The following LAMA1 variants were observed in gnomAD, a reference collection of about 807,000 sequenced individuals.
The protein encoded by LAMA1 is laminin subunit alpha-1.
In LAMA1, 219 loss-of-function variants were observed where a neutral mutation model predicts 348.7. The observed-to-expected ratio is 0.63, with a 90% CI of 0.56 to 0.70. LAMA1 has a LOEUF of 0.70. Ranked by LOEUF, LAMA1 falls within the 30% of genes least tolerant of loss-of-function variation. The probability of loss-of-function intolerance (pLI) is 0.00; values close to 1 mark genes in which losing one functional copy is unlikely to be tolerated. For synonymous variants in LAMA1, 1,487 were observed against 1,491.0 expected (o/e 1.00, Z 0.06); for missense variants, 3,744 against 3,888.0 (o/e 0.96, Z 0.99).
chr18:7,013,157 TCTCTAA>T (rs2057869204), intron 23 of LAMA1, among the ~76,000 whole-genome samples: 1 of 151,770 alleles, frequency 6.6e-6, no homozygotes, highest in African/African-American at 2.4e-5. Context: ...CAAGACTCTG[TCTCTAA>T]ATAAATAAAT....
chr18:6,980,442 G>T, intron 42 of LAMA1, 79 bp downstream of exon 42: 1 of 993,450 alleles, frequency 1.0e-6, no homozygotes, highest in Non-Finnish European at 1.6e-6. Context: ...CAGTCTTGAG[G>T]CAGGACTTCC....
In LAMA1 at chr18:6,956,349, T is replaced by A. The variant is rs681944; in HGVS notation, c.8094+287A>T. The stretch of plus-strand genomic sequence containing the variant: ...CATGCTTTCCTGGCTAAATGTAAAT[T>A]GATAATGAGTCCTTATAGAAGCTCT... On this transcript the variant is annotated intron_variant, in intron 56 of 62. Transcript: ENST00000389658. 1.5e-5 allele frequency: 8 copies of A among 547,586 alleles called. 2 individuals carry two copies. Among genetic ancestry groups the A allele is most frequent in the South Asian group, 1.4e-4 (8 of 57,370 alleles). 33.9% of individuals were successfully genotyped at this position (547,586 alleles called of 1,614,324 possible). A position where few individuals can be genotyped will look rare whatever the true frequency, so the allele number is the denominator to read the frequency against.
intron 1 of LAMA1, among the ~76,000 whole-genome samples, chr18:7,108,196 C>T (rs2058321640): frequency 6.6e-6 from 1 of 151,556 alleles, no homozygotes; most frequent in African/African-American, 2.4e-5. Context: ...ATTAGCCAGG[C>T]ATGGCGGTGT....
At chr18:6,997,669 C>T in intron 33 of LAMA1, 73 bp downstream of exon 33, 2 of 1,476,198 alleles carry the variant, frequency 1.4e-6, no homozygotes, top group Non-Finnish European at 9.5e-7. Context: ...CATGGAATGA[C>T]TCCCACCATT....
intron 16 of LAMA1, among the ~76,000 whole-genome samples, chr18:7,027,229 T>C (rs1199568858): frequency 2.0e-5 from 3 of 152,166 alleles, no homozygotes; most frequent in African/African-American, 7.2e-5. Flanking sequence ...TTGACTTAAG[T>C]TGATAAGTGT....
intron 3 of LAMA1, among the ~76,000 whole-genome samples, chr18:7,074,854 A>G (rs201818825): frequency 1.3e-5 from 2 of 151,062 alleles, no homozygotes; most frequent in Non-Finnish European, 2.9e-5. Flanking sequence ...ACTAAAATAA[A>G]CAGTAGTTAA....
intron 60 of LAMA1, 50 bp downstream of exon 60, chr18:6,948,353 G>T: frequency 6.2e-7 from 1 of 1,612,194 alleles, no homozygotes; most frequent in South Asian, 1.1e-5. Flanking sequence ...CATCGCTTTA[G>T]AGTACAGACT....
chr18:6,992,202 G>A (rs2057761809), intron 36 of LAMA1, among the ~76,000 whole-genome samples: 2 of 152,148 alleles, frequency 1.3e-5, no homozygotes, highest in South Asian at 4.1e-4. Flanking sequence ...TTCATGGTAT[G>A]GGTGGCCACC....
rs111904219 is a variant in LAMA1 at position 7,048,980 on chromosome 18, G to A, written c.768+98C>T. 1.8e-4 allele frequency: 216 copies of A among 1,203,876 alleles called. No homozygotes were observed. The African/African-American group carries it at 2.9e-3, about 16-fold the overall frequency. 74.6% of individuals were successfully genotyped at this position (1,203,876 alleles called of 1,614,324 possible). A position where few individuals can be genotyped will look rare whatever the true frequency, so the allele number is the denominator to read the frequency against. On this transcript the variant is annotated intron_variant, in intron 5 of 62. Transcript: ENST00000389658. ...GCAAGAAAAAAGGCCAACATGTCGG[G>A]GAAAGAACAACCAAAAAGGAAAGAA...
intron 48 of LAMA1, among the ~76,000 whole-genome samples, chr18:6,967,209 T>G (rs2057637148): frequency 6.6e-6 from 1 of 152,218 alleles, no homozygotes; most frequent in Non-Finnish European, 1.5e-5. Context: ...GTTTCAAATG[T>G]ATAACTATAA....
intron 30 of LAMA1, 114 bp downstream of exon 30, chr18:7,002,150 A>G: frequency 7.2e-7 from 1 of 1,379,434 alleles, no homozygotes; most frequent in Non-Finnish European, 9.9e-7. Context: ...AGCCTTTTGC[A>G]ACCAATGGAG....
At position 6,966,204 on chromosome 18, in the gene LAMA1, C is replaced by T. The variant is rs2057632508; in HGVS notation, c.6993G>A (p.Met2331Ile). The T allele has an allele frequency of 6.2e-7, 1 of 1,614,112 alleles. No individual in the cohort carries two copies. Among genetic ancestry groups the T allele is most frequent in the Non-Finnish European group, 8.5e-7 (1 of 1,180,004 alleles). Residue 2331 changes from methionine to isoleucine, a missense_variant, in exon 49 of 63, where the codon ATG (methionine) becomes ATA (isoleucine). Transcript: ENST00000389658. ...SLPATVTQII[M>I]LFNTFSPNGL... is the part of the protein sequence containing the mutation. ...CATTAGGTGAAAAGGTATTAAAAAG[C>T]ATGATTATCTGGGTCACGGTAGCCG...
At chr18:7,103,810 C>T (rs936743362) in intron 1 of LAMA1, among the ~76,000 whole-genome samples, 2 of 150,146 alleles carry the variant, frequency 1.3e-5, no homozygotes, top group African/African-American at 4.9e-5. Context: ...CAGAGTAAGA[C>T]TCCGTCTTAA....
intron 8 of LAMA1, chr18:7,042,530 A>G (rs111944910): frequency 4.4e-5 from 17 of 386,212 alleles, no homozygotes; most frequent in African/African-American, 2.5e-4. Context: ...TCTCAGAGCC[A>G]CGTTATAACC....
rs543355 is a variant in LAMA1, at chr18:6,958,610, T to C, written c.7831A>G (p.Thr2611Ala). The C allele has an allele frequency of 0.048, 77,676 of 1,613,948 alleles. 8,450 individuals are homozygous for C. Among genetic ancestry groups the C allele is most frequent in the African/African-American group, 0.45 (33,650 of 74,962 alleles). The stretch of plus-strand genomic sequence containing the variant: ...TTTATCGTCCTGCTTTCTACTAATG[T>C]GCCCAACTTCATTTCCACAGGATTG... ...ENNPVEMKLGTLVESRTINVS... is the reference protein window; with the variant it reads ...ENNPVEMKLGALVESRTINVS... The change falls in exon 55 of 63, where the codon ACA becomes GCA. Residue 2611 changes from threonine (T) to alanine (A), a missense_variant. Thr to Ala is a moderately conservative substitution (Grantham distance 58). Coordinates refer to ENST00000389658, the MANE Select transcript of LAMA1 (RefSeq NM_005559.4).
At position 6,999,510 on chromosome 18, in the gene LAMA1, C is replaced by T. The variant is rs753631609; in HGVS notation, c.4598G>A (p.Gly1533Glu). ...RTSGQCVCRL[G>E]ASGLRCDECE... The stretch of plus-strand genomic sequence containing the variant: ...CTCATCGCACCGGAGCCCCGAGGCC[C>T]CCAGCCTGCAAACGCACTGCCCAGA... Residue 1533 changes from glycine to glutamate, a missense_variant, in exon 32 of 63, where the codon GGG (glycine) becomes GAG (glutamate). Physicochemically the swap from Gly to Glu is moderately conservative, Grantham distance 98 (BLOSUM62 -2). Coordinates refer to ENST00000389658, the MANE Select transcript of LAMA1 (RefSeq NM_005559.4). The T allele has an allele frequency of 2.5e-6, 4 of 1,614,024 alleles. No homozygotes were observed. The highest frequency in any genetic ancestry group is 3.4e-6 in the Non-Finnish European group (4 of 1,180,038).
intron 10 of LAMA1, among the ~76,000 whole-genome samples, chr18:7,039,209 T>C (rs746432295): frequency 5.3e-5 from 8 of 152,202 alleles, no homozygotes; most frequent in African/African-American, 1.9e-4. Flanking sequence ...TTGTTTTAAA[T>C]TTTTCATTTT....
At chr18:7,089,893 A>G (rs1293542089) in intron 1 of LAMA1, among the ~76,000 whole-genome samples, 1 of 152,158 alleles carries the variant, frequency 6.6e-6, no homozygotes, top group Non-Finnish European at 1.5e-5. Context: ...GGCGAAATTC[A>G]TCTTCACTCA....
intron 16 of LAMA1, among the ~76,000 whole-genome samples, chr18:7,030,431 T>A (rs1381498183): frequency 6.6e-6 from 1 of 152,110 alleles, no homozygotes; most frequent in African/African-American, 2.4e-5. Context: ...GGGTCCTGGG[T>A]TCGATCCTAC....
Sources: gnomAD v4.1 joint callset for allele counts (sites outside exome capture counted in the v4.1 genomes callset) on GRCh38, gnomAD v4.1.1 for gene constraint, MANE v1.5 for transcripts, NCBI Gene and HGNC (gene_info 2026-07-23, HGNC 2026-07-21) for gene names.